Variants in TGFBR1 observed in about 807,000 individuals in gnomAD.
The protein encoded by TGFBR1 is transforming growth factor beta receptor 1.
A neutral mutation model predicts 55.1 loss-of-function variants in TGFBR1; 20 were observed. The ratio of observed to expected loss-of-function variants is 0.36; its 90% CI spans 0.26 to 0.53. The LOEUF (loss-of-function observed/expected upper bound fraction) is 0.53. TGFBR1 is among the 20% of genes least tolerant of loss of function. TGFBR1 has a pLI of 0.91. For missense variants in TGFBR1, 385 were observed against 617.6 expected, an observed-to-expected ratio of 0.62 and a Z score of 3.99; for synonymous variants, 220 against 214.8, an observed-to-expected ratio of 1.02 and a Z score of -0.21.
In TGFBR1 at chr9:99,152,673, G is replaced by GT. The variant is rs1467155313; in HGVS notation, c.*3369dup. On this transcript the variant is annotated 3_prime_UTR_variant, in exon 9 of 9. Transcript: ENST00000374994. ...TTTTTATTCTTGCACTGGAAGAATC[G>GT]TAAGTCAACTGTTTCTTGACCATGG... 1.3e-5 allele frequency: 3 copies of GT among 226,342 alleles called. No homozygotes were observed. Among genetic ancestry groups the GT allele is most frequent in the African/African-American group, 2.2e-5 (1 of 44,926 alleles). The allele number at this position is 226,342 out of a possible 1,614,324, so 14.0% of individuals were successfully genotyped here. A position where few individuals can be genotyped will look rare whatever the true frequency, so the allele number is the denominator to read the frequency against.
intron 4 of TGFBR1, among the ~76,000 whole-genome samples, chr9:99,140,569 T>A (rs1827584576): frequency 6.6e-6 from 1 of 152,216 alleles, no homozygotes; most frequent in African/African-American, 2.4e-5. Flanking sequence ...CTCCCCCAAC[T>A]CTTAAAACAA....
chr9:99,133,885 T>G (rs1300865694), intron 3 of TGFBR1, among the ~76,000 whole-genome samples: 1 of 151,762 alleles, frequency 6.6e-6, no homozygotes, highest in African/African-American at 2.4e-5. Context: ...GCGCCTGTAG[T>G]CCCAGCTACT....
chr9:99,107,075 GTGGACTTAGT>G (rs1826435243), intron 1 of TGFBR1, among the ~76,000 whole-genome samples: 2 of 152,206 alleles, frequency 1.3e-5, no homozygotes, highest in Non-Finnish European at 2.9e-5. Context: ...AGTAACAGTA[GTGGACTTAGT>G]TGAAGACACA....
intron 1 of TGFBR1, among the ~76,000 whole-genome samples, chr9:99,115,021 A>C (rs1292803186): frequency 6.6e-6 from 1 of 152,208 alleles, no homozygotes; most frequent in Admixed American, 6.5e-5. Context: ...ATAGGCACGT[A>C]CATTAGCATG....
intron 1 of TGFBR1, among the ~76,000 whole-genome samples, chr9:99,127,468 C>T (rs1186459930): frequency 6.6e-6 from 1 of 152,152 alleles, no homozygotes; most frequent in African/African-American, 2.4e-5. Flanking sequence ...TGACCCAAGG[C>T]CTCAGGCATA....
At chr9:99,131,740 AG>A (rs1239300601) in intron 2 of TGFBR1, among the ~76,000 whole-genome samples, 2 of 152,114 alleles carry the variant, frequency 1.3e-5, no homozygotes, top group African/African-American at 4.8e-5. Flanking sequence ...AAGCCAAGGT[AG>A]GTGGATCACT....
intron 6 of TGFBR1, among the ~76,000 whole-genome samples, 156 bp downstream of exon 6, chr9:99,145,044 C>T (rs566032086): frequency 1.3e-5 from 2 of 152,260 alleles, no homozygotes; most frequent in East Asian, 3.9e-4. Flanking sequence ...TGCTCTGAAG[C>T]CAGAGTTACC....
At chr9:99,130,121 C>T (rs377661336) in intron 2 of TGFBR1, among the ~76,000 whole-genome samples, 59 of 152,280 alleles carry the variant, frequency 3.9e-4, no homozygotes, top group African/African-American at 1.3e-3. Flanking sequence ...CATGCCAGCA[C>T]TTGTGAGGAA....
intron 1 of TGFBR1, among the ~76,000 whole-genome samples, chr9:99,123,936 C>T (rs181894785): frequency 7.0e-4 from 107 of 152,264 alleles, no homozygotes; most frequent in African/African-American, 2.5e-3. Context: ...ATTTGATTAG[C>T]TCAGATGATG....
At position 99,149,387 on chromosome 9, in the gene TGFBR1, A is replaced by T. The variant is rs200966435; in HGVS notation, c.*82A>T. ...TTTGGGAGGTCAATTGTTCTACCTC[A>T]CTGAGAGGGAACAGAAGGATATTGC... On this transcript the variant is annotated 3_prime_UTR_variant, in exon 9 of 9. Transcript: ENST00000374994. 5.1e-5 allele frequency: 79 copies of T among 1,563,550 alleles called. No individual in the cohort carries two copies. Among genetic ancestry groups the T allele is most frequent in the Non-Finnish European group, 6.9e-5 (78 of 1,136,238 alleles).
intron 1 of TGFBR1, among the ~76,000 whole-genome samples, chr9:99,124,505 A>C (rs1826979338): frequency 1.3e-5 from 2 of 152,052 alleles, no homozygotes; most frequent in South Asian, 4.2e-4. Context: ...AAAATTTAAA[A>C]CCTAGTTGAA....
At position 99,105,311 on chromosome 9, in the gene TGFBR1, C is replaced by T; in HGVS notation, c.97+9C>T. ...GCTCCCGGGGGCGACGGGTGAGCGG[C>T]GGCGCGGCGGGCGGGCGACTGCGGG... On this transcript the variant is annotated intron_variant, in intron 1 of 8. Transcript: ENST00000374994. 1.0e-6 allele frequency: 1 copy of T among 981,666 alleles called. No homozygotes were observed. Among genetic ancestry groups the T allele is most frequent in the Non-Finnish European group, 1.2e-6 (1 of 829,030 alleles). 60.8% of individuals were successfully genotyped at this position (981,666 alleles called of 1,614,324 possible). A position where few individuals can be genotyped will look rare whatever the true frequency, so the allele number is the denominator to read the frequency against.
In TGFBR1 at chr9:99,149,912, C is replaced by CATT. The variant is rs1157039703; in HGVS notation, c.*609_*611dup. ...TTATTGTTCTTTCACTTATTCAGAA[C>CATT]ATTACATGCCTTCAAAATGGGATTG... is the stretch of plus-strand genomic sequence containing the variant. On this transcript the variant is annotated 3_prime_UTR_variant, in exon 9 of 9. Transcript: ENST00000374994. 5.0e-6 allele frequency: 1 copy of CATT among 199,976 alleles called. No homozygotes were observed. Among genetic ancestry groups the CATT allele is most frequent in the East Asian group, 7.8e-5 (1 of 12,806 alleles). 12.4% of individuals were successfully genotyped at this position (199,976 alleles called of 1,614,324 possible). A position where few individuals can be genotyped will look rare whatever the true frequency, so the allele number is the denominator to read the frequency against.
chr9:99,132,369 A>G (rs1827257596), intron 2 of TGFBR1, 140 bp from the exon 3 acceptor site: 1 of 1,430,644 alleles, frequency 7.0e-7, no homozygotes, highest in Non-Finnish European at 9.5e-7. Flanking sequence ...TGAGCCCTGT[A>G]AACTGCTGTA....
At chr9:99,124,871 C>T (rs1394652594) in intron 1 of TGFBR1, among the ~76,000 whole-genome samples, 1 of 152,042 alleles carries the variant, frequency 6.6e-6, no homozygotes, top group African/African-American at 2.4e-5. Flanking sequence ...AATGTAATGA[C>T]CTCTTTGAAA....
Position 99,145,025 on chromosome 9 carries a change from G to A in TGFBR1, c.1130+137G>A, listed in dbSNP as rs552713304. On this transcript the variant is annotated intron_variant, in intron 6 of 8. Coordinates refer to ENST00000374994, the MANE Select transcript of TGFBR1 (RefSeq NM_004612.4). ...TTGCCAACAGGTAAGAAGATCTCAT[G>A]GTCTTGCCTGCTCTGAAGCCAGAGT... The A allele has an allele frequency of 1.1e-4, 107 of 1,003,882 alleles. 1 individual carries two copies. In the African/African-American group the frequency reaches 1.5e-3, roughly 14 times the overall value. The allele number at this position is 1,003,882 out of a possible 1,614,324, so 62.2% of individuals were successfully genotyped here.
At chr9:99,123,123 A>G (rs776573707) in intron 1 of TGFBR1, among the ~76,000 whole-genome samples, 1 of 152,020 alleles carries the variant, frequency 6.6e-6, no homozygotes, top group Non-Finnish European at 1.5e-5. Flanking sequence ...CAAATCCAAA[A>G]CACTTCTGGT....
chr9:99,123,845 A>G (rs967899758), intron 1 of TGFBR1, among the ~76,000 whole-genome samples: 2 of 152,176 alleles, frequency 1.3e-5, no homozygotes, highest in African/African-American at 2.4e-5. Context: ...GCACAATGCC[A>G]TTTATCATAT....
chr9:99,104,825 G>A (rs1826349943), upstream of TGFBR1, among the ~76,000 whole-genome samples: 1 of 152,184 alleles, frequency 6.6e-6, no homozygotes, highest in Non-Finnish European at 1.5e-5. Flanking sequence ...GCTAGCGGCT[G>A]AGCGGTGCTG....
Sources: gnomAD v4.1 joint callset for allele counts (sites outside exome capture counted in the v4.1 genomes callset) on GRCh38, gnomAD v4.1.1 for gene constraint, MANE v1.5 for transcripts, NCBI Gene and HGNC (gene_info 2026-07-23, HGNC 2026-07-21) for gene names.